MTMR10: variants seen among roughly 807,000 people sequenced by gnomAD.
The protein encoded by MTMR10 is myotubularin related protein 10.
In MTMR10, 56 loss-of-function variants were observed where a neutral mutation model predicts 88.1. The ratio of observed to expected loss-of-function variants is 0.64; its 90% CI spans 0.51 to 0.79. MTMR10 has a LOEUF of 0.79. Ranked by LOEUF, MTMR10 falls within the 30% of genes least tolerant of loss-of-function variation. The probability of loss-of-function intolerance (pLI) is 0.00; values close to 1 mark genes in which losing one functional copy is unlikely to be tolerated. For synonymous variants in MTMR10, 380 were observed against 340.9 expected, an observed-to-expected ratio of 1.11 and a Z score of -1.26; for missense variants, 883 against 924.7, an observed-to-expected ratio of 0.95 and a Z score of 0.58.
chr15:30,937,982 G>A (rs1308047243), downstream of MTMR10, among the ~76,000 whole-genome samples: 1 of 151,588 alleles, frequency 6.6e-6, no homozygotes, highest in African/African-American at 2.4e-5. Context: ...TCAAGAGATC[G>A]AGACCATCCT....
At chr15:30,983,308 A>T (rs2141066053) in intron 2 of MTMR10, among the ~76,000 whole-genome samples, 1 of 152,346 alleles carries the variant, frequency 6.6e-6, no homozygotes, top group African/African-American at 2.4e-5. Context: ...TTAGAGGATG[A>T]TGAGCCAAAG....
chr15:30,944,565 C>CAAA (rs36025105), intron 14 of MTMR10, among the ~76,000 whole-genome samples: 4 of 90,428 alleles, frequency 4.4e-5, no homozygotes, highest in African/African-American at 1.6e-4. Flanking sequence ...GACTCTGTCT[C>CAAA]AAAAAAAAAA....
chr15:30,991,436 G>T lies in MTMR10; in HGVS notation c.60+11C>A. ...AGGAGAGTCGGGCGCTCGCGGGGAG[G>T]GGTTGTTTACCTGGGGCGGTGGCAG... On this transcript the variant is annotated intron_variant, in intron 1 of 15. Transcript: ENST00000435680. The T allele has an allele frequency of 1.3e-6, 2 of 1,487,622 alleles. No homozygotes were observed. The highest frequency in any genetic ancestry group is 2.7e-5 in the East Asian group (1 of 36,448). The allele number at this position is 1,487,622 out of a possible 1,614,324, so 92.2% of individuals were successfully genotyped here. A position where few individuals can be genotyped will look rare whatever the true frequency, so the allele number is the denominator to read the frequency against.
chr15:30,968,304 A>C (rs2063495636), intron 5 of MTMR10: 2 of 239,046 alleles, frequency 8.4e-6, no homozygotes, highest in Admixed American at 5.5e-5. Flanking sequence ...GAAAGCTTCA[A>C]ACTAAAGAAG....
chr15:30,932,453 G>C, the MTMR10 span, among the ~76,000 whole-genome samples: 1 of 152,066 alleles, frequency 6.6e-6, no homozygotes, highest in Admixed American at 6.6e-5. Context: ...AGTCATACCA[G>C]CATCAGAGTG....
chr15:30,941,062 G>A lies in MTMR10; in HGVS notation c.*408C>T. ...AATACATGAATACTTCCTAAAACCT[G>A]CTGGAGGTTTTATCAGATGCTCCTA... On this transcript the variant is annotated 3_prime_UTR_variant, in exon 16 of 16. Coordinates refer to ENST00000435680, the MANE Select transcript of MTMR10 (RefSeq NM_017762.3). 1 of 1,197,722 alleles carries A rather than the reference G, an allele frequency of 8.3e-7. No individual in the cohort carries two copies. The highest frequency in any genetic ancestry group is 1.1e-6 in the Non-Finnish European group (1 of 948,788). 74.2% of individuals were successfully genotyped at this position (1,197,722 alleles called of 1,614,324 possible).
the MTMR10 span, among the ~76,000 whole-genome samples, chr15:30,931,481 A>G: frequency 5.3e-4 from 80 of 152,308 alleles, 1 homozygote; most frequent in African/African-American, 1.8e-3. Flanking sequence ...TTGGTGTCAC[A>G]TGTCAGAAAT....
At chr15:30,978,161 T>TA (rs961481102) in intron 2 of MTMR10, among the ~76,000 whole-genome samples, 3 of 152,174 alleles carry the variant, frequency 2.0e-5, no homozygotes, top group African/African-American at 7.2e-5. Flanking sequence ...AATGCCTCTT[T>TA]AAAAAAATCT....
intron 2 of MTMR10, among the ~76,000 whole-genome samples, chr15:30,988,512 G>A (rs970211015): frequency 8.4e-5 from 8 of 95,264 alleles, no homozygotes; most frequent in Admixed American, 1.8e-4. Flanking sequence ...AAAATAATAC[G>A]GAATTTAGCT....
chr15:30,928,975 T>G, the MTMR10 span, among the ~76,000 whole-genome samples: 2 of 152,240 alleles, frequency 1.3e-5, no homozygotes, highest in African/African-American at 4.8e-5. Flanking sequence ...TGGGCACATC[T>G]GCCTGTTCAG....
At chr15:30,972,388 T>G (rs990827486) in intron 5 of MTMR10, among the ~76,000 whole-genome samples, 1 of 152,076 alleles carries the variant, frequency 6.6e-6, no homozygotes, top group African/African-American at 2.4e-5. Context: ...CACCCTCCCC[T>G]GCCCTGCAAC....
the MTMR10 span, among the ~76,000 whole-genome samples, chr15:30,922,963 G>C: frequency 6.6e-6 from 1 of 152,258 alleles, no homozygotes; most frequent in African/African-American, 2.4e-5. Context: ...CGCAGAGCCT[G>C]TGCCTGTGGG....
intron 14 of MTMR10, among the ~76,000 whole-genome samples, chr15:30,944,990 T>A (rs1194593379): frequency 6.6e-6 from 1 of 150,902 alleles, no homozygotes; most frequent in Non-Finnish European, 1.5e-5. Context: ...CCAGCCTGGG[T>A]GACAGAGCCA....
intron 9 of MTMR10, among the ~76,000 whole-genome samples, chr15:30,957,225 G>A (rs185039868): frequency 4.6e-5 from 7 of 152,222 alleles, no homozygotes; most frequent in African/African-American, 1.4e-4. Context: ...AATATATAAC[G>A]GTGTGCAAAA....
chr15:30,987,120 G>A (rs1180703665), intron 2 of MTMR10, among the ~76,000 whole-genome samples: 1 of 152,208 alleles, frequency 6.6e-6, no homozygotes, highest in African/African-American at 2.4e-5. Flanking sequence ...TGACTACTTT[G>A]ACAGAGTACT....
chr15:30,930,488 A>G, the MTMR10 span: 4 of 1,548,286 alleles, frequency 2.6e-6, no homozygotes, highest in Non-Finnish European at 3.5e-6. Context: ...CCTGGAGCCT[A>G]TTTCCATTCT....
At chr15:30,970,142 A>C (rs1194834713) in intron 5 of MTMR10, among the ~76,000 whole-genome samples, 1 of 152,128 alleles carries the variant, frequency 6.6e-6, no homozygotes, top group African/African-American at 2.4e-5. Context: ...TCAATTCCTT[A>C]AGGATAAATG....
At chr15:30,959,304 G>A (rs1333956656) in intron 7 of MTMR10, among the ~76,000 whole-genome samples, 183 bp from the exon 8 acceptor site, 1 of 152,112 alleles carries the variant, frequency 6.6e-6, no homozygotes, top group Non-Finnish European at 1.5e-5. Flanking sequence ...AAATTGGTGC[G>A]ATATGACCAA....
chr15:30,936,197 A>G (rs1446863709), downstream of MTMR10, among the ~76,000 whole-genome samples: 1 of 152,170 alleles, frequency 6.6e-6, no homozygotes, highest in Non-Finnish European at 1.5e-5. Context: ...GACATGTAGT[A>G]TATATTTTTA....
Sources: gnomAD v4.1 joint callset for allele counts (sites outside exome capture counted in the v4.1 genomes callset) on GRCh38, gnomAD v4.1.1 for gene constraint, MANE v1.5 for transcripts, NCBI Gene and HGNC (gene_info 2026-07-23, HGNC 2026-07-21) for gene names.